Variants in NEDD4L observed in about 807,000 individuals in gnomAD.
NEDD4L encodes E3 ubiquitin-protein ligase NEDD4-like.
NEDD4L carries 54 observed loss-of-function variants against 148.9 expected under a neutral mutation model. That is an observed-to-expected ratio of 0.36 (90% CI 0.29 to 0.45). The LOEUF (loss-of-function observed/expected upper bound fraction) is 0.45, where lower values mean the gene tolerates loss of function less well. NEDD4L is among the 20% of genes least tolerant of loss of function. The pLI, the probability that NEDD4L is intolerant of heterozygous loss-of-function variation, is 1.00. For missense variants in NEDD4L, 856 were observed against 1,233.8 expected (o/e 0.69, Z 4.59); for synonymous variants, 433 against 440.7 (o/e 0.98, Z 0.22).
At chr18:58,280,429 G>A (rs1223892286) in intron 5 of NEDD4L, among the ~76,000 whole-genome samples, 1 of 152,212 alleles carries the variant, frequency 6.6e-6, no homozygotes, top group Admixed American at 6.5e-5. Context: ...GGAGGCACAT[G>A]TGAGCTGGAC....
chr18:58,174,328 A>C (rs2037855019), intron 2 of NEDD4L, among the ~76,000 whole-genome samples: 1 of 152,144 alleles, frequency 6.6e-6, no homozygotes, highest in Non-Finnish European at 1.5e-5. Flanking sequence ...AGAATCAATC[A>C]GGAAAGGGTG....
At chr18:58,236,651 G>A (rs1028779090) in intron 2 of NEDD4L, among the ~76,000 whole-genome samples, 34 of 152,352 alleles carry the variant, frequency 2.2e-4, no homozygotes, top group Middle Eastern at 3.4e-3. Context: ...GCACGGTGCT[G>A]GCACCCAGAA....
chr18:58,330,901 T>C lies in NEDD4L; in HGVS notation c.977T>C (p.Phe326Ser). ...ACTCCAGACTCCAATGGGGAACAGT[T>C]CAGCTCTTTGATTGTAAGTAGTGGC... ...QITPDSNGEQFSSLIQREPSS... is the reference protein window; with the variant it reads ...QITPDSNGEQSSSLIQREPSS... The change falls in exon 11 of 31, where the codon TTC (phenylalanine) becomes TCC (serine). Residue 326 changes from phenylalanine (F) to serine (S), a missense_variant. Physicochemically the swap from Phe to Ser is radical, Grantham distance 155 (BLOSUM62 -2). Around this residue, in one of 4 missense-constraint regions of NEDD4L, gnomAD observed 367 missense variants for 422.7 expected, o/e 0.87. Transcript: ENST00000400345. The C allele has an allele frequency of 1.2e-6, 2 of 1,613,522 alleles. No homozygotes were observed. The highest frequency in any genetic ancestry group is 1.7e-6 in the Non-Finnish European group (2 of 1,179,572).
At chr18:58,060,400 C>T (rs114220266) in intron 1 of NEDD4L, among the ~76,000 whole-genome samples, 233 of 152,204 alleles carry the variant, frequency 1.5e-3, no homozygotes, top group African/African-American at 5.5e-3. Context: ...AGGTGCAAGT[C>T]GTTGGGCCCG....
chr18:58,256,265 C>T lies in NEDD4L; in HGVS notation c.297+4211C>T, dbSNP rs1397527258. On this transcript the variant is annotated intron_variant, in intron 5 of 30. Transcript: ENST00000400345. The surrounding 1 kb of genome is among the most constrained non-coding windows in gnomAD (Gnocchi z 5.2). Reference sequence around the variant, plus strand: ...CGTGCGCCAGGTGAGGCTGCTGCCCCTGGGCCCCGATGGCCAGGGCGGCCC... The same window carrying T: ...CGTGCGCCAGGTGAGGCTGCTGCCCTTGGGCCCCGATGGCCAGGGCGGCCC... 1.2e-4 allele frequency: 144 copies of T among 1,231,000 alleles called. No individual in the cohort carries two copies. Among genetic ancestry groups the T allele is most frequent in the Non-Finnish European group, 1.4e-4 (138 of 987,562 alleles). The allele number at this position is 1,231,000 out of a possible 1,614,324, so 76.3% of individuals were successfully genotyped here. A position where few individuals can be genotyped will look rare whatever the true frequency, so the allele number is the denominator to read the frequency against.
chr18:58,277,343 T>C (rs1031669379), intron 5 of NEDD4L, among the ~76,000 whole-genome samples: 1 of 152,158 alleles, frequency 6.6e-6, no homozygotes, highest in Admixed American at 6.5e-5. Context: ...AAAGGCAGGC[T>C]CTGGCTTGCA....
intron 11 of NEDD4L, among the ~76,000 whole-genome samples, chr18:58,333,389 T>TTG (rs751292609): frequency 6.6e-6 from 1 of 152,198 alleles, no homozygotes; most frequent in Non-Finnish European, 1.5e-5. Flanking sequence ...TCTTTTTCAA[T>TTG]TGTAGTAATC....
At chr18:58,345,473 G>C (rs550655829) in intron 16 of NEDD4L, among the ~76,000 whole-genome samples, 2 of 152,288 alleles carry the variant, frequency 1.3e-5, no homozygotes, top group South Asian at 2.1e-4. Flanking sequence ...TCTTAGATTT[G>C]AGCATTAGAA....
At chr18:58,144,576 T>A (rs1218854269) in intron 1 of NEDD4L, among the ~76,000 whole-genome samples, 4 of 152,076 alleles carry the variant, frequency 2.6e-5, no homozygotes, top group Admixed American at 1.3e-4. Flanking sequence ...TGAAGCATTG[T>A]AGAGTTCAGA....
At chr18:58,260,024 C>T (rs2049144417) in intron 5 of NEDD4L, among the ~76,000 whole-genome samples, 3 of 151,986 alleles carry the variant, frequency 2.0e-5, no homozygotes, top group African/African-American at 7.3e-5. Flanking sequence ...AAAAATAACT[C>T]GAGTATCCAA....
chr18:58,109,135 G>A (rs150037440), intron 1 of NEDD4L, among the ~76,000 whole-genome samples: 1 of 152,000 alleles, frequency 6.6e-6, no homozygotes, highest in Non-Finnish European at 1.5e-5. Context: ...CTGAGAACCA[G>A]CCGTGATTAG....
Position 58,366,184 on chromosome 18 carries a change from A to G in NEDD4L, c.2019A>G (p.Lys673=), listed in dbSNP as rs774941062. 10 of 1,613,120 alleles carry G rather than the reference A, an allele frequency of 6.2e-6. No individual in the cohort carries two copies. The highest frequency in any genetic ancestry group is 1.3e-5 in the African/African-American group (1 of 74,924). The change falls in exon 21 of 31, where the codon AAA becomes AAG. Residue 673 remains lysine, a synonymous_variant. Coordinates refer to ENST00000400345, the MANE Select transcript of NEDD4L (RefSeq NM_001144967.3). The surrounding 1 kb of genome is among the most constrained non-coding windows in gnomAD (Gnocchi z 4.2). Reference sequence around the variant, plus strand: ...GAGAATGGTTCTTCTTACTGTCCAAAGAGATGTTCAACCCCTACTACGGCC... The same window carrying G: ...GAGAATGGTTCTTCTTACTGTCCAAGGAGATGTTCAACCCCTACTACGGCC... ...VAREWFFLLS[K]EMFNPYYGLF... is the part of the protein sequence containing the mutation.
intron 5 of NEDD4L, among the ~76,000 whole-genome samples, chr18:58,311,051 G>A (rs2057638493): frequency 2.0e-5 from 3 of 151,858 alleles, no homozygotes; most frequent in South Asian, 4.2e-4. Flanking sequence ...ATGATTTTGA[G>A]GATGGAACCC....
In NEDD4L at chr18:58,349,522, A is replaced by G. The variant is rs2043598207; in HGVS notation, c.1576-15A>G. On this transcript the variant is annotated splice_polypyrimidine_tract_variant and intron_variant, in intron 16 of 30. Transcript: ENST00000400345. The stretch of plus-strand genomic sequence containing the variant: ...TTCCACTTAGCATCTACTGTCTTTT[A>G]CATTTTTCTTGCAGGAAGATCCACG... 3 of 1,608,672 alleles carry G rather than the reference A, an allele frequency of 1.9e-6. No individual in the cohort carries two copies. Among genetic ancestry groups the G allele is most frequent in the Non-Finnish European group, 2.6e-6 (3 of 1,175,006 alleles).
At chr18:58,159,652 C>T (rs1185421954) in intron 1 of NEDD4L, among the ~76,000 whole-genome samples, 1 of 152,080 alleles carries the variant, frequency 6.6e-6, no homozygotes, top group Non-Finnish European at 1.5e-5. Context: ...GTAGCAGGCA[C>T]ACAATGGTCA....
At chr18:58,160,486 G>A (rs1397498031) in intron 1 of NEDD4L, among the ~76,000 whole-genome samples, 2 of 152,188 alleles carry the variant, frequency 1.3e-5, no homozygotes, top group Admixed American at 1.3e-4. Flanking sequence ...CTTCAGCCTA[G>A]TTTCTACTCT....
chr18:58,080,964 G>A (rs762883917), intron 1 of NEDD4L, among the ~76,000 whole-genome samples: 38 of 152,052 alleles, frequency 2.5e-4, no homozygotes, highest in Non-Finnish European at 5.1e-4. Flanking sequence ...GAAATGTGAG[G>A]GCCGGAGTCC....
chr18:58,214,815 TTTG>T (rs34500074), intron 2 of NEDD4L, among the ~76,000 whole-genome samples: 1 of 127,162 alleles, frequency 7.9e-6, no homozygotes, highest in Non-Finnish European at 1.7e-5. Flanking sequence ...TTTTTTTTTT[TTTG>T]TTGTTGTTGT....
intron 5 of NEDD4L, among the ~76,000 whole-genome samples, chr18:58,311,299 G>T (rs969953218): frequency 1.3e-5 from 2 of 152,206 alleles, no homozygotes; most frequent in East Asian, 1.9e-4. Context: ...TGTACCATTT[G>T]TGGGACTGTA....
Sources: gnomAD v4.1 joint callset for allele counts (sites outside exome capture counted in the v4.1 genomes callset) on GRCh38, gnomAD v4.1.1 for gene constraint, gnomAD v4.1.1 regional missense constraint, Gnocchi (gnomAD v3.1) non-coding constraint, MANE v1.5 for transcripts, NCBI Gene and HGNC (gene_info 2026-07-23, HGNC 2026-07-21) for gene names.